The following SIPA1L2 variants were observed in gnomAD, a reference collection of about 807,000 sequenced individuals.
The protein encoded by SIPA1L2 is signal-induced proliferation-associated 1-like protein 2.
SIPA1L2 carries 56 observed loss-of-function variants against 163.9 expected under a neutral mutation model. The ratio of observed to expected loss-of-function variants is 0.34; its 90% CI spans 0.28 to 0.43. The LOEUF (loss-of-function observed/expected upper bound fraction) is 0.43, where lower values mean the gene tolerates loss of function less well. Among genes scored for constraint, SIPA1L2 ranks in the 20% least tolerant of loss-of-function variants. SIPA1L2 has a pLI of 1.00. For synonymous variants in SIPA1L2, 877 were observed against 865.7 expected (o/e 1.01, Z -0.23); for missense variants, 1,974 against 2,193.5 (o/e 0.90, Z 2.00).
intron 1 of SIPA1L2, among the ~76,000 whole-genome samples, chr1:232,601,568 G>A (rs1190123129): frequency 6.6e-6 from 1 of 152,272 alleles, no homozygotes; most frequent in African/African-American, 2.4e-5. Context: ...GTTTTTATGT[G>A]TCTTCAACAC....
intron 1 of SIPA1L2, among the ~76,000 whole-genome samples, chr1:232,575,435 A>T (rs1660029083): frequency 6.6e-6 from 1 of 152,148 alleles, no homozygotes; most frequent in South Asian, 2.1e-4. Context: ...ATCTGTCTCC[A>T]TTTTTATGAA....
chr1:232,415,652 A>G (rs1661204621), intron 18 of SIPA1L2, 27 bp from the exon 19 acceptor site: 1 of 1,613,482 alleles, frequency 6.2e-7, no homozygotes, highest in Non-Finnish European at 8.5e-7. Flanking sequence ...CCAGAGAGTC[A>G]GTCATCAGTC....
intron 1 of SIPA1L2, among the ~76,000 whole-genome samples, chr1:232,594,989 C>A: frequency 6.6e-6 from 1 of 152,146 alleles, no homozygotes; most frequent in East Asian, 1.9e-4. Flanking sequence ...GTTGTCAATG[C>A]TCCCAGTGAT....
chr1:232,454,681 T>A (rs182240212), intron 10 of SIPA1L2, among the ~76,000 whole-genome samples: 76 of 152,346 alleles, frequency 5.0e-4, no homozygotes, highest in Admixed American at 5.0e-3. Flanking sequence ...ACAATGCTCA[T>A]GCTTTACCGC....
At chr1:232,592,966 C>T (rs534094765) in intron 1 of SIPA1L2, among the ~76,000 whole-genome samples, 87 of 152,186 alleles carry the variant, frequency 5.7e-4, no homozygotes, top group African/African-American at 2.0e-3. Context: ...AGGAAATTCT[C>T]GGTTTTAATA....
intron 1 of SIPA1L2, among the ~76,000 whole-genome samples, chr1:232,610,409 G>A (rs1662176993): frequency 6.6e-6 from 1 of 152,172 alleles, no homozygotes; most frequent in Admixed American, 6.5e-5. Flanking sequence ...CACCAGCACT[G>A]GGCTGGACGC....
chr1:232,440,439 C>T (rs1300569961), intron 14 of SIPA1L2, among the ~76,000 whole-genome samples: 1 of 152,176 alleles, frequency 6.6e-6, no homozygotes, highest in Non-Finnish European at 1.5e-5. Flanking sequence ...CTCAAAACTA[C>T]GCCCACACCA....
intron 1 of SIPA1L2, among the ~76,000 whole-genome samples, chr1:232,629,409 G>C (rs1663249516): frequency 6.6e-6 from 1 of 152,216 alleles, no homozygotes; most frequent in Non-Finnish European, 1.5e-5. Context: ...GTCCCGGTGA[G>C]GGCGCGCGCT....
At chr1:232,407,565 G>A (rs912881808) in intron 19 of SIPA1L2, among the ~76,000 whole-genome samples, 5 of 152,166 alleles carry the variant, frequency 3.3e-5, no homozygotes, top group African/African-American at 1.2e-4. Flanking sequence ...TGCCACAGTG[G>A]TGCCTGGAAT....
At chr1:232,420,573 T>C (rs541445700) in intron 18 of SIPA1L2, among the ~76,000 whole-genome samples, 67 of 152,146 alleles carry the variant, frequency 4.4e-4, no homozygotes, top group South Asian at 1.5e-3. Flanking sequence ...TGGTGGCTCA[T>C]GCCTGTAATC....
intron 7 of SIPA1L2, among the ~76,000 whole-genome samples, chr1:232,476,031 T>C (rs999470541): frequency 6.6e-6 from 1 of 152,190 alleles, no homozygotes; most frequent in Admixed American, 6.5e-5. Context: ...TATAGTATTA[T>C]GTATAGGTGA....
intron 19 of SIPA1L2, among the ~76,000 whole-genome samples, chr1:232,410,564 G>A (rs187033852): frequency 1.2e-3 from 173 of 143,804 alleles, no homozygotes; most frequent in African/African-American, 3.7e-3. Context: ...ATATATATAC[G>A]CAAGGGCATC....
chr1:232,514,813 T>C lies in SIPA1L2; in HGVS notation c.527A>G (p.Asp176Gly). The C allele has an allele frequency of 6.2e-7, 1 of 1,614,212 alleles. No homozygotes were observed. The change falls in exon 3 of 23, where the codon GAC becomes GGC. Residue 176 changes from aspartate to glycine, a missense_variant. Asp to Gly is a moderately conservative substitution (Grantham distance 94). This residue lies in a region of SIPA1L2 where 607 missense variants were observed against 624.0 expected (regional missense o/e 0.97). Coordinates refer to ENST00000674635, the MANE Select transcript of SIPA1L2 (RefSeq NM_020808.5). The stretch of plus-strand genomic sequence containing the variant: ...GGTGTTGGGGTTGACTGCATTTTGG[T>C]CTAAGACATCTTCGGCATCAATGTC... ...ISDIDAEDVL[D>G]QNAVNPNTGA...
intron 22 of SIPA1L2, among the ~76,000 whole-genome samples, chr1:232,402,094 C>G (rs7537892): frequency 0.19 from 29,108 of 152,096 alleles, 3,213 homozygotes; most frequent in Admixed American, 0.31. Context: ...CAACTGATAA[C>G]TCACTGAACT....
intron 1 of SIPA1L2, among the ~76,000 whole-genome samples, chr1:232,578,053 A>C (rs1164290081): frequency 6.6e-6 from 1 of 152,174 alleles, no homozygotes; most frequent in Non-Finnish European, 1.5e-5. Flanking sequence ...ACCTTCAGCC[A>C]CCACCACCCT....
rs752145349 is a variant in SIPA1L2, at chr1:232,432,241, C to T, written c.4256+6G>A. 3.1e-6 allele frequency: 5 copies of T among 1,612,564 alleles called. No homozygotes were observed. Among genetic ancestry groups the T allele is most frequent in the South Asian group, 1.1e-5 (1 of 90,836 alleles). The stretch of plus-strand genomic sequence containing the variant: ...CTGACCAGAGAAGAACAGCCAGCCA[C>T]CTTACCCGGGACATTCAGTCACTTC... On this transcript the variant is annotated splice_donor_region_variant and intron_variant, in intron 16 of 22. Coordinates refer to ENST00000674635, the MANE Select transcript of SIPA1L2 (RefSeq NM_020808.5).
intron 1 of SIPA1L2, among the ~76,000 whole-genome samples, chr1:232,593,950 A>G (rs1661102488): frequency 6.6e-6 from 1 of 152,248 alleles, no homozygotes; most frequent in Non-Finnish European, 1.5e-5. Flanking sequence ...GGGCAAGCTC[A>G]GGCCCCTCAG....
At chr1:232,473,593 C>CACCACAGGACTATTT (rs2102951667) in intron 7 of SIPA1L2, among the ~76,000 whole-genome samples, 1 of 152,352 alleles carries the variant, frequency 6.6e-6, no homozygotes, top group Admixed American at 6.5e-5. Context: ...TTCTATACTT[C>CACCACAGGACTATTT]ACCACAGGAC....
At chr1:232,577,506 C>G (rs1226519217) in intron 1 of SIPA1L2, among the ~76,000 whole-genome samples, 1 of 152,040 alleles carries the variant, frequency 6.6e-6, no homozygotes, top group Non-Finnish European at 1.5e-5. Flanking sequence ...TTATAGCTAT[C>G]ACAGATAGCA....
Sources: allele counts gnomAD v4.1 joint callset (sites outside exome capture counted in the v4.1 genomes callset), GRCh38; gene constraint gnomAD v4.1.1; regional missense constraint gnomAD v4.1.1; transcripts MANE v1.5; gene names NCBI Gene and HGNC (gene_info 2026-07-23, HGNC 2026-07-21).